Variants in PLB1 observed in about 807,000 individuals in gnomAD.
PLB1 encodes phospholipase B1, also known as phospholipase B1, membrane-associated.
In PLB1, 242 loss-of-function variants were observed where a neutral mutation model predicts 227.4. The ratio of observed to expected loss-of-function variants is 1.06; its 90% CI spans 0.96 to 1.18. The LOEUF is 1.18. Ranked by LOEUF, PLB1 falls within the 50% of genes most tolerant of loss-of-function variation. The probability of loss-of-function intolerance (pLI) is 0.00; values close to 1 mark genes in which losing one functional copy is unlikely to be tolerated. For synonymous variants in PLB1, 757 were observed against 682.2 expected, an observed-to-expected ratio of 1.11 and a Z score of -1.71; for missense variants, 1,858 against 1,816.3, an observed-to-expected ratio of 1.02 and a Z score of -0.42.
chr2:28,531,952 A>G (rs1671068935), intron 8 of PLB1, among the ~76,000 whole-genome samples, 156 bp from the exon 9 acceptor site: 1 of 152,212 alleles, frequency 6.6e-6, no homozygotes, highest in South Asian at 2.1e-4. Flanking sequence ...CAGTTATACC[A>G]CTTTAAACTC....
At position 28,630,770 on chromosome 2, in the gene PLB1, C is replaced by G. The variant is rs1573563712; in HGVS notation, c.3897+106C>G. The G allele has an allele frequency of 8.0e-6, 7 of 878,942 alleles. No individual in the cohort carries two copies. In the South Asian group the frequency reaches 8.9e-5, roughly 11 times the overall value. The allele number at this position is 878,942 out of a possible 1,614,324, so 54.4% of individuals were successfully genotyped here. On this transcript the variant is annotated intron_variant, in intron 54 of 57. Coordinates refer to ENST00000327757, the MANE Select transcript of PLB1 (RefSeq NM_153021.5). ...AGGATGTGGCCAAGAGCAAGCCACT[C>G]CCTAAAAGCAGATTGCAGCCCCTGA...
chr2:28,584,196 G>C (rs1034841216), intron 25 of PLB1, among the ~76,000 whole-genome samples: 3 of 152,222 alleles, frequency 2.0e-5, no homozygotes, highest in African/African-American at 7.2e-5. Context: ...CTCAGCTGCT[G>C]TTTGCTGAAT....
intron 43 of PLB1, among the ~76,000 whole-genome samples, chr2:28,611,065 T>G (rs1026773238): frequency 7.3e-5 from 11 of 150,868 alleles, no homozygotes; most frequent in African/African-American, 2.2e-4. Flanking sequence ...TAAAACCCAA[T>G]AAAACCCATT....
rs1259432085 is a variant in PLB1 at position 28,589,489 on chromosome 2, A to G, written c.1855A>G (p.Thr619Ala). ...ACTGATTGAGAGTGGGCGATATGAC[A>G]CAAGGGAAGATTTTACTGTGGTTGT... is the stretch of plus-strand genomic sequence containing the variant. Reference protein sequence around the residue: ...HQLIESGRYDTREDFTVVVQP... With the variant: ...HQLIESGRYDAREDFTVVVQP... Residue 619 changes from threonine (T) to alanine (A), a missense_variant, in exon 27 of 58, where the codon ACA becomes GCA. Physicochemically the swap from Thr to Ala is moderately conservative, Grantham distance 58 (BLOSUM62 0). Transcript: ENST00000327757. 7 of 1,614,052 alleles carry G rather than the reference A, an allele frequency of 4.3e-6. No individual in the cohort carries two copies. Among genetic ancestry groups the G allele is most frequent in the African/African-American group, 1.3e-5 (1 of 74,926 alleles).
intron 25 of PLB1, 182 bp from the exon 26 acceptor site, chr2:28,585,579 G>C: frequency 1.7e-6 from 1 of 583,552 alleles, no homozygotes; most frequent in Non-Finnish European, 3.1e-6. Context: ...GCCTGGCCTG[G>C]AAATCTTCTT....
chr2:28,578,291 C>A, intron 22 of PLB1, 133 bp downstream of exon 22: 2 of 815,284 alleles, frequency 2.5e-6, no homozygotes, highest in Non-Finnish European at 4.1e-6. Context: ...CACTGCTTCT[C>A]TGGAAAGGGG....
At chr2:28,592,476 T>C (rs1382546247) in intron 31 of PLB1, among the ~76,000 whole-genome samples, 185 bp from the exon 32 acceptor site, 2 of 152,166 alleles carry the variant, frequency 1.3e-5, no homozygotes, top group African/African-American at 4.8e-5. Context: ...GGTCCAGGAT[T>C]AGTTGTGTCT....
intron 1 of PLB1, among the ~76,000 whole-genome samples, chr2:28,497,893 A>G (rs1159170690): frequency 6.6e-6 from 1 of 151,586 alleles, no homozygotes; most frequent in African/African-American, 2.4e-5. Flanking sequence ...TAATTTTTGT[A>G]TTTTTAGTAG....
intron 14 of PLB1, 127 bp from the exon 15 acceptor site, chr2:28,548,732 CT>C (rs1673700233): frequency 2.4e-6 from 2 of 849,344 alleles, no homozygotes; most frequent in Admixed American, 4.1e-5. Flanking sequence ...GGGATGGGGG[CT>C]GGACACGTGC....
chr2:28,547,202 CAAA>C (rs531346408), intron 14 of PLB1, among the ~76,000 whole-genome samples: 1 of 99,912 alleles, frequency 1.0e-5, no homozygotes, highest in East Asian at 3.1e-4. Flanking sequence ...ACCCTGTCTC[CAAA>C]AAAAAAAAAA....
At chr2:28,595,449 C>T (rs1042268563) in intron 33 of PLB1, 2 of 152,274 alleles carry the variant, frequency 1.3e-5, no homozygotes, top group African/African-American at 4.8e-5. Context: ...AGACCTGTTC[C>T]TGGAGAAGAG....
At chr2:28,509,140 C>T (rs1667953400) in intron 1 of PLB1, among the ~76,000 whole-genome samples, 2 of 152,126 alleles carry the variant, frequency 1.3e-5, no homozygotes, top group Non-Finnish European at 2.9e-5. Context: ...GGCTGTATTC[C>T]CTCAAGGAAG....
intron 30 of PLB1, 115 bp from the exon 31 acceptor site, chr2:28,591,585 C>A: frequency 9.1e-7 from 1 of 1,099,406 alleles, no homozygotes; most frequent in Non-Finnish European, 1.3e-6. Flanking sequence ...GAGGCCCCTC[C>A]CTAGGAGTAG....
rs371044287 is a variant in PLB1 at position 28,530,212 on chromosome 2, C to G, written c.468+433C>G. 7.9e-5 allele frequency among the ~76,000 whole-genome samples: 12 copies of G among 152,296 alleles called. No homozygotes were observed. The East Asian group carries it at 1.9e-3, about 24-fold the overall frequency. On this transcript the variant is annotated intron_variant, in intron 8 of 57. Coordinates refer to ENST00000327757, the MANE Select transcript of PLB1 (RefSeq NM_153021.5). ...TCCTTGTGGTCGTGCTGAAAGTCAG[C>G]AGATGGACTAAATGACTTGTCCCAC... is the stretch of plus-strand genomic sequence containing the variant.
chr2:28,578,309 T>C, intron 22 of PLB1, 151 bp downstream of exon 22: 1 of 772,700 alleles, frequency 1.3e-6, no homozygotes, highest in Non-Finnish European at 2.2e-6. Flanking sequence ...GGGATTCCTA[T>C]TTGTTCAGTC....
chr2:28,605,775 A>G (rs1684584533), intron 41 of PLB1, 78 bp from the exon 42 acceptor site: 6 of 1,142,938 alleles, frequency 5.2e-6, no homozygotes, highest in Non-Finnish European at 7.8e-6. Context: ...TTGAGTGGTC[A>G]GTCCCAGGGC....
chr2:28,540,141 C>T (rs1259999330), intron 11 of PLB1, among the ~76,000 whole-genome samples: 1 of 149,960 alleles, frequency 6.7e-6, no homozygotes, highest in South Asian at 2.1e-4. Context: ...ATCCAATACC[C>T]ACCCCCCAGG....
intron 4 of PLB1, among the ~76,000 whole-genome samples, chr2:28,524,029 G>A (rs891981892): frequency 2.6e-5 from 4 of 152,184 alleles, no homozygotes; most frequent in African/African-American, 9.7e-5. Flanking sequence ...AGCAAAGGAC[G>A]CTGTCTCCAA....
chr2:28,538,377 A>G lies in PLB1; in HGVS notation c.614A>G (p.Gln205Arg), dbSNP rs1435315642. Reference sequence around the variant, plus strand: ...ATGGGGGTGCTGGACTACCTGCAGCAGGAGGTGAGGCCACGGGCCTAGGGC... The same window carrying G: ...ATGGGGGTGCTGGACTACCTGCAGCGGGAGGTGAGGCCACGGGCCTAGGGC... ...ELMGVLDYLQ[Q>R]EVPRAFVNLV... Residue 205 changes from glutamine (Q) to arginine (R), a missense_variant, in exon 10 of 58, where the codon CAG becomes CGG. Coordinates refer to ENST00000327757, the MANE Select transcript of PLB1 (RefSeq NM_153021.5). The G allele has an allele frequency of 1.2e-6, 2 of 1,611,354 alleles. No individual in the cohort carries two copies. The highest frequency in any genetic ancestry group is 1.3e-5 in the African/African-American group (1 of 74,834).
Sources: allele counts gnomAD v4.1 joint callset (sites outside exome capture counted in the v4.1 genomes callset), GRCh38; gene constraint gnomAD v4.1.1; transcripts MANE v1.5; gene names NCBI Gene and HGNC (gene_info 2026-07-23, HGNC 2026-07-21).